The following KPNA1 variants were observed in gnomAD, a reference collection of about 807,000 sequenced individuals.
KPNA1 encodes karyopherin subunit alpha 1, also known as importin subunit alpha-5.
A neutral mutation model predicts 70.5 loss-of-function variants in KPNA1; 10 were observed. The ratio of observed to expected loss-of-function variants is 0.14; its 90% CI spans 0.09 to 0.24. The LOEUF (loss-of-function observed/expected upper bound fraction) is 0.24, where lower values mean the gene tolerates loss of function less well. Ranked by LOEUF, KPNA1 falls within the 10% of genes least tolerant of loss-of-function variation. KPNA1 has a pLI of 1.00. For missense variants in KPNA1, 397 were observed against 637.9 expected, an observed-to-expected ratio of 0.62 and a Z score of 4.07; for synonymous variants, 192 against 221.9, an observed-to-expected ratio of 0.87 and a Z score of 1.20.
At chr3:122,458,659 C>T (rs1330642261) in intron 5 of KPNA1, among the ~76,000 whole-genome samples, 1 of 152,162 alleles carries the variant, frequency 6.6e-6, no homozygotes, top group Non-Finnish European at 1.5e-5. Flanking sequence ...TATTCAAGTT[C>T]TAGTAAGCAG....
chr3:122,465,333 G>A lies in KPNA1; in HGVS notation c.238-1292C>T, dbSNP rs144229364. Among the ~76,000 whole-genome samples the A allele has an allele frequency of 2.7e-3, 415 of 152,248 alleles. 1 individual carries two copies. Among genetic ancestry groups the A allele is most frequent in the African/African-American group, 9.8e-3 (405 of 41,538 alleles). ...CTAACCTACCAAACTTCATTGCCTA[G>A]CCTAGCCTACCTTAAACATGCTCAG... On this transcript the variant is annotated intron_variant, in intron 3 of 13. Coordinates refer to ENST00000344337, the MANE Select transcript of KPNA1 (RefSeq NM_002264.4).
intron 8 of KPNA1, 78 bp from the exon 9 acceptor site, chr3:122,449,815 C>T: frequency 1.7e-6 from 2 of 1,179,448 alleles, no homozygotes; most frequent in Non-Finnish European, 2.4e-6. Context: ...AGAAGGCAAC[C>T]AGGCATGTAC....
Position 122,467,526 on chromosome 3 carries a change from T to C in KPNA1, c.130-97A>G, listed in dbSNP as rs2076395120. On this transcript the variant is annotated intron_variant, in intron 2 of 13. Transcript: ENST00000344337. ...GGCACCCCATTCAAAGTGAAGTCTT[T>C]GAAAATCATTTTTAAAATTCTAAAG... The C allele has an allele frequency of 1.1e-5, 7 of 632,180 alleles. No individual in the cohort carries two copies. In the Admixed American group the frequency reaches 1.7e-4, roughly 15 times the overall value. The allele number at this position is 632,180 out of a possible 1,614,324, so 39.2% of individuals were successfully genotyped here.
chr3:122,429,446 C>CAAA (rs57991855), intron 12 of KPNA1, among the ~76,000 whole-genome samples: 11,738 of 58,412 alleles, frequency 0.2, 1,976 homozygotes, highest in Non-Finnish European at 0.24. Context: ...AACTCTGTCT[C>CAAA]AAAAAAAAAA....
chr3:122,492,108 T>C (rs927615654), intron 2 of KPNA1, among the ~76,000 whole-genome samples: 1 of 151,656 alleles, frequency 6.6e-6, no homozygotes, highest in African/African-American at 2.4e-5. Flanking sequence ...GATCCGCCCG[T>C]CTCGGCCTCC....
chr3:122,485,474 C>A (rs548724004), intron 2 of KPNA1, among the ~76,000 whole-genome samples: 10 of 151,404 alleles, frequency 6.6e-5, no homozygotes, highest in African/African-American at 1.2e-4. Flanking sequence ...AAAAAAGAAC[C>A]CTTAACATGT....
chr3:122,435,100 G>A (rs575783098), intron 11 of KPNA1, among the ~76,000 whole-genome samples: 5 of 152,174 alleles, frequency 3.3e-5, no homozygotes, highest in South Asian at 4.1e-4. Flanking sequence ...TCCATGAGCC[G>A]TTTCATCTTT....
intron 10 of KPNA1, among the ~76,000 whole-genome samples, chr3:122,441,391 T>C (rs1323481612): frequency 6.6e-6 from 1 of 152,100 alleles, no homozygotes; most frequent in Non-Finnish European, 1.5e-5. Flanking sequence ...AGGAGAAAGC[T>C]ATCAGAGAAG....
intron 5 of KPNA1, among the ~76,000 whole-genome samples, chr3:122,459,265 T>C (rs1441461324): frequency 6.6e-6 from 1 of 152,198 alleles, no homozygotes; most frequent in Non-Finnish European, 1.5e-5. Flanking sequence ...TTCTCCGACT[T>C]TTTTCATTTT....
At chr3:122,437,047 T>C (rs1444616644) in intron 11 of KPNA1, 123 bp downstream of exon 11, 4 of 925,252 alleles carry the variant, frequency 4.3e-6, no homozygotes, top group Non-Finnish European at 6.6e-6. Flanking sequence ...CCCAGAGTGC[T>C]GGGATTACAG....
chr3:122,488,455 G>C (rs1166745640), intron 2 of KPNA1, among the ~76,000 whole-genome samples: 1 of 152,122 alleles, frequency 6.6e-6, no homozygotes, highest in Admixed American at 6.5e-5. Flanking sequence ...GGAGGTTGAG[G>C]CTATAGTGAG....
At chr3:122,466,888 C>A (rs1378731164) in intron 3 of KPNA1, among the ~76,000 whole-genome samples, 2 of 151,978 alleles carry the variant, frequency 1.3e-5, no homozygotes, top group East Asian at 3.9e-4. Context: ...GTAGTCCCAG[C>A]TATTTGGGAG....
chr3:122,433,777 A>C lies in KPNA1; in HGVS notation c.1134T>G (p.Asp378Glu). The C allele has an allele frequency of 6.2e-7, 1 of 1,600,636 alleles. No homozygotes were observed. The highest frequency in any genetic ancestry group is 8.5e-7 in the Non-Finnish European group (1 of 1,176,158). ...GNRAQIQTVIDANIFPALISI... is the reference protein window; with the variant it reads ...GNRAQIQTVIEANIFPALISI... ...TAATGAGGGCTGGGAAAATGTTGGC[A>C]TCTATCACAGTCTAAAATTAAAGAA... The change falls in exon 12 of 14, where the codon GAT (aspartate) becomes GAG (glutamate). Residue 378 changes from aspartate to glutamate, a missense_variant. Asp to Glu is a conservative substitution (Grantham distance 45). Coordinates refer to ENST00000344337, the MANE Select transcript of KPNA1 (RefSeq NM_002264.4).
chr3:122,459,194 G>A (rs1035571684), intron 5 of KPNA1, among the ~76,000 whole-genome samples: 2 of 152,120 alleles, frequency 1.3e-5, no homozygotes, highest in East Asian at 1.9e-4. Flanking sequence ...GGGCACTGTC[G>A]GAGAATGTAC....
intron 2 of KPNA1, among the ~76,000 whole-genome samples, chr3:122,494,498 CT>C (rs1388819042): frequency 6.6e-6 from 1 of 152,088 alleles, no homozygotes; most frequent in African/African-American, 2.4e-5. Context: ...TATATGTCTA[CT>C]TTTATACCAG....
At chr3:122,505,690 A>T (rs2076882883) in intron 1 of KPNA1, among the ~76,000 whole-genome samples, 1 of 152,156 alleles carries the variant, frequency 6.6e-6, no homozygotes, top group Non-Finnish European at 1.5e-5. Context: ...TGGTGGTGAA[A>T]TAGAAACACA....
chr3:122,480,343 T>G (rs1022769520), intron 2 of KPNA1, among the ~76,000 whole-genome samples: 3 of 152,112 alleles, frequency 2.0e-5, no homozygotes, highest in African/African-American at 7.2e-5. Context: ...CCATGGGGGA[T>G]GCTGACAATG....
chr3:122,482,352 T>TA (rs1277634308), intron 2 of KPNA1, among the ~76,000 whole-genome samples: 1 of 152,232 alleles, frequency 6.6e-6, no homozygotes, highest in African/African-American at 2.4e-5. Context: ...GATGGAAACA[T>TA]AGTTATATAG....
In KPNA1 at chr3:122,467,447, G is replaced by A. The variant is rs1361611508; in HGVS notation, c.130-18C>T. 4.7e-6 allele frequency: 7 copies of A among 1,490,688 alleles called. No homozygotes were observed. In the Admixed American group the frequency reaches 1.2e-4, roughly 26 times the overall value. 92.3% of individuals were successfully genotyped at this position (1,490,688 alleles called of 1,614,324 possible). On this transcript the variant is annotated intron_variant, in intron 2 of 13. Coordinates refer to ENST00000344337, the MANE Select transcript of KPNA1 (RefSeq NM_002264.4). The stretch of plus-strand genomic sequence containing the variant: ...TTGAATAACTGAAAGATAAAAGATT[G>A]GTAGCAATGTAAATGTAAATTCTAA...
Sources: allele counts gnomAD v4.1 joint callset (sites outside exome capture counted in the v4.1 genomes callset), GRCh38; gene constraint gnomAD v4.1.1; transcripts MANE v1.5; gene names NCBI Gene and HGNC (gene_info 2026-07-23, HGNC 2026-07-21).